B4GALT5: variants seen among roughly 807,000 people sequenced by gnomAD.
The protein encoded by B4GALT5 is UDP-Gal:beta-GlcNAc beta-1,4-galactosyltransferase 5.
B4GALT5 carries 11 observed loss-of-function variants against 45.0 expected under a neutral mutation model. The observed-to-expected ratio is 0.24, with a 90% CI of 0.15 to 0.40. B4GALT5 has a LOEUF of 0.40. B4GALT5 is among the 10% of genes least tolerant of loss of function. The pLI is 1.00. For missense variants in B4GALT5, 337 were observed against 500.2 expected, an observed-to-expected ratio of 0.67 and a Z score of 3.11; for synonymous variants, 185 against 182.9, an observed-to-expected ratio of 1.01 and a Z score of -0.09.
At chr20:49,663,705 A>AAAC (rs2085676735) in intron 1 of B4GALT5, among the ~76,000 whole-genome samples, 4 of 106,766 alleles carry the variant, frequency 3.7e-5, no homozygotes, top group South Asian at 3.0e-4. Flanking sequence ...ATACATATAT[A>AAAC]TATATATATA....
intron 1 of B4GALT5, among the ~76,000 whole-genome samples, chr20:49,657,704 GTGCCTCCTCCACACTCA>G (rs2085648982): frequency 6.6e-6 from 1 of 152,184 alleles, no homozygotes; most frequent in African/African-American, 2.4e-5. Flanking sequence ...CCAGGCCCCA[GTGCCTCCTCCACACTCA>G]ATACATCTGG....
At position 49,637,413 on chromosome 20, in the gene B4GALT5, C is replaced by T; in HGVS notation, c.947G>A (p.Arg316Gln). The T allele has an allele frequency of 6.2e-7, 1 of 1,614,014 alleles. No homozygotes were observed. Among genetic ancestry groups the T allele is most frequent in the Non-Finnish European group, 8.5e-7 (1 of 1,179,978 alleles). The change falls in exon 8 of 9, where the codon CGG becomes CAG. Residue 316 changes from arginine (R) to glutamine (Q), a missense_variant. By Grantham distance (43) the Arg-to-Gln change is conservative. Coordinates refer to ENST00000371711, the MANE Select transcript of B4GALT5 (RefSeq NM_004776.4). ...GTACTTTCCTGTGTCACCCTCTGGCCGGCTCACAGAATAGCCTGCATTCTG... is the reference window on the plus strand; with the variant it reads ...GTACTTTCCTGTGTCACCCTCTGGCTGGCTCACAGAATAGCCTGCATTCTG... The part of the protein sequence containing the change: ...RVQNAGYSVS[R>Q]PEGDTGKYKS...
intron 1 of B4GALT5, among the ~76,000 whole-genome samples, chr20:49,674,186 T>C (rs920493029): frequency 6.9e-6 from 1 of 144,106 alleles, no homozygotes; most frequent in Non-Finnish European, 1.5e-5. Context: ...GCCGAGACTG[T>C]GTCACTGCAC....
At chr20:49,712,839 G>GC (rs1216879653) in intron 1 of B4GALT5, among the ~76,000 whole-genome samples, 5 of 88,230 alleles carry the variant, frequency 5.7e-5, no homozygotes, top group Admixed American at 9.4e-5. Flanking sequence ...ACGCGAGGTG[G>GC]GGGGGGGGGA....
chr20:49,657,771 G>A (rs569355405), intron 1 of B4GALT5, among the ~76,000 whole-genome samples: 110 of 152,236 alleles, frequency 7.2e-4, no homozygotes, highest in African/African-American at 2.5e-3. Context: ...AAAACACTTG[G>A]CTGACATTAG....
At chr20:49,670,054 A>C (rs1262562333) in intron 1 of B4GALT5, among the ~76,000 whole-genome samples, 1 of 152,236 alleles carries the variant, frequency 6.6e-6, no homozygotes, top group African/African-American at 2.4e-5. Flanking sequence ...AACAACCAGC[A>C]GCTCTCAGTG....
intron 1 of B4GALT5, among the ~76,000 whole-genome samples, chr20:49,709,438 A>G (rs6125726): frequency 0.016 from 2,438 of 152,216 alleles, 38 homozygotes; most frequent in East Asian, 0.083. Context: ...CTCCTTTTAA[A>G]TTGCTGATAT....
intron 1 of B4GALT5, among the ~76,000 whole-genome samples, chr20:49,707,962 G>T (rs190003912): frequency 1.1e-4 from 16 of 150,530 alleles, no homozygotes; most frequent in African/African-American, 3.4e-4. Context: ...GGGCACGGTG[G>T]CTCACACCTC....
chr20:49,644,423 T>C (rs1229174827), intron 3 of B4GALT5, among the ~76,000 whole-genome samples: 1 of 152,158 alleles, frequency 6.6e-6, no homozygotes, highest in Non-Finnish European at 1.5e-5. Flanking sequence ...GAAAAGCAGC[T>C]GAGCTTAGAG....
intron 1 of B4GALT5, among the ~76,000 whole-genome samples, chr20:49,657,316 G>A (rs1354854058): frequency 6.6e-6 from 1 of 152,106 alleles, no homozygotes; most frequent in Non-Finnish European, 1.5e-5. Context: ...AAAGCAATAG[G>A]GAAAGAGCAC....
At chr20:49,682,883 A>T (rs1433416943) in intron 1 of B4GALT5, among the ~76,000 whole-genome samples, 1 of 152,190 alleles carries the variant, frequency 6.6e-6, no homozygotes, top group Admixed American at 6.5e-5. Context: ...ACTTGAGCCC[A>T]GGAGTTTAAG....
intron 1 of B4GALT5, among the ~76,000 whole-genome samples, chr20:49,685,372 G>A (rs533098747): frequency 2.6e-5 from 4 of 151,978 alleles, no homozygotes; most frequent in East Asian, 1.9e-4. Context: ...CCTCTACCAG[G>A]GCCCTTCAAA....
intron 1 of B4GALT5, among the ~76,000 whole-genome samples, chr20:49,713,246 G>A (rs575032284): frequency 6.6e-6 from 1 of 151,922 alleles, no homozygotes; most frequent in Admixed American, 6.5e-5. Flanking sequence ...GAGCAGAGGA[G>A]CGGGAAGTGG....
rs34718276 is a variant in B4GALT5 at position 49,674,081 on chromosome 20, CAAAAAAAAA to C, written c.116-17388_116-17380del. 2.0e-3 allele frequency among the ~76,000 whole-genome samples: 188 copies of C among 94,542 alleles called. 1 individual carries two copies. Among genetic ancestry groups the C allele is most frequent in the African/African-American group, 3.4e-3 (95 of 27,550 alleles). The allele number at this position is 94,542 out of a possible 152,430, so 62.0% of individuals were successfully genotyped here. A position where few individuals can be genotyped will look rare whatever the true frequency, so the allele number is the denominator to read the frequency against. ...TGAAATCCCATCTCTATTAAAAATACAAAAAAAAAAAAAAAAAAAAAAAAATTAGCCAGG... is the reference window on the plus strand; with the variant it reads ...TGAAATCCCATCTCTATTAAAAATACAAAAAAAAAAAAAAAATTAGCCAGG... On this transcript the variant is annotated intron_variant, in intron 1 of 8. Coordinates refer to ENST00000371711, the MANE Select transcript of B4GALT5 (RefSeq NM_004776.4).
intron 2 of B4GALT5, among the ~76,000 whole-genome samples, chr20:49,651,313 G>A (rs149444239): frequency 6.6e-6 from 1 of 151,710 alleles, no homozygotes; most frequent in African/African-American, 2.4e-5. Flanking sequence ...AACAGGCCAG[G>A]CACAGTGGCT....
chr20:49,680,215 C>A (rs1365024821), intron 1 of B4GALT5, among the ~76,000 whole-genome samples: 2 of 152,148 alleles, frequency 1.3e-5, no homozygotes, highest in Non-Finnish European at 2.9e-5. Context: ...GCTGCATGGG[C>A]TGAAGAGCCA....
intron 1 of B4GALT5, among the ~76,000 whole-genome samples, chr20:49,690,657 T>C (rs2085806794): frequency 6.6e-6 from 1 of 152,204 alleles, no homozygotes; most frequent in Admixed American, 6.5e-5. Flanking sequence ...AAAAAAGTTA[T>C]ATCTGTTACA....
At position 49,635,438 on chromosome 20, in the gene B4GALT5, C is replaced by T. The variant is rs2085548076; in HGVS notation, c.*874G>A. ...TCCAGAGCAGAAGTCAAGGGCAAGA[C>T]TCGTGGGGGGGGGAAGAAAGGGACA... On this transcript the variant is annotated 3_prime_UTR_variant, in exon 9 of 9. Coordinates refer to ENST00000371711, the MANE Select transcript of B4GALT5 (RefSeq NM_004776.4). 8.5e-6 allele frequency: 1 copy of T among 117,956 alleles called. No homozygotes were observed. Among genetic ancestry groups the T allele is most frequent in the African/African-American group, 2.7e-5 (1 of 36,918 alleles). 7.3% of individuals were successfully genotyped at this position (117,956 alleles called of 1,614,324 possible).
chr20:49,643,058 T>C (rs2085583730), intron 4 of B4GALT5, among the ~76,000 whole-genome samples: 2 of 152,342 alleles, frequency 1.3e-5, no homozygotes, highest in South Asian at 2.1e-4. Flanking sequence ...TAGATACTTG[T>C]TGAAAGAATG....
Sources: allele counts gnomAD v4.1 joint callset (sites outside exome capture counted in the v4.1 genomes callset), GRCh38; gene constraint gnomAD v4.1.1; transcripts MANE v1.5; gene names NCBI Gene and HGNC (gene_info 2026-07-23, HGNC 2026-07-21).